The following RBFOX1 variants were observed in gnomAD, a reference collection of about 807,000 sequenced individuals.
RBFOX1 encodes the protein RNA binding protein fox-1 homolog 1.
RBFOX1 carries 8 observed loss-of-function variants against 57.7 expected under a neutral mutation model. The observed-to-expected ratio is 0.14, with a 90% CI of 0.08 to 0.25. RBFOX1 has a LOEUF of 0.25. Ranked by LOEUF, RBFOX1 falls within the 10% of genes least tolerant of loss-of-function variation. The probability of loss-of-function intolerance (pLI) is 1.00; values close to 1 mark genes in which losing one functional copy is unlikely to be tolerated. For synonymous variants in RBFOX1, 326 were observed against 222.4 expected, an observed-to-expected ratio of 1.47 and a Z score of -4.15; for missense variants, 611 against 548.5, an observed-to-expected ratio of 1.11 and a Z score of -1.14.
chr16:6,948,001 A>T (rs555800141), intron 3 of RBFOX1, among the ~76,000 whole-genome samples: 1 of 152,150 alleles, frequency 6.6e-6, no homozygotes, highest in East Asian at 1.9e-4. Flanking sequence ...TTGGTCTCAA[A>T]CTCCTGACCT....
intron 3 of RBFOX1, among the ~76,000 whole-genome samples, chr16:5,738,884 T>C (rs1190379356): frequency 6.6e-6 from 1 of 152,108 alleles, no homozygotes; most frequent in African/African-American, 2.4e-5. Context: ...AATGTCAACA[T>C]TGATGCAAAC....
intron 10 of RBFOX1, among the ~76,000 whole-genome samples, chr16:7,618,202 T>G (rs538422527): frequency 6.6e-6 from 1 of 152,180 alleles, no homozygotes; most frequent in African/African-American, 2.4e-5. Context: ...CTTTCAGTGG[T>G]AGGCAGCCAT....
At chr16:6,434,155 A>T (rs1037441557) in intron 2 of RBFOX1, among the ~76,000 whole-genome samples, 1 of 152,094 alleles carries the variant, frequency 6.6e-6, no homozygotes, top group Non-Finnish European at 1.5e-5. Context: ...GTCACTTCTA[A>T]GGGCACTTGT....
At chr16:6,970,082 G>T (rs1187668525) in intron 3 of RBFOX1, among the ~76,000 whole-genome samples, 5 of 152,092 alleles carry the variant, frequency 3.3e-5, no homozygotes, top group Non-Finnish European at 5.9e-5. Context: ...GGAGGCTGAG[G>T]CAGGAAGATG....
intron 2 of RBFOX1, among the ~76,000 whole-genome samples, chr16:6,405,504 A>G (rs2093246603): frequency 6.6e-6 from 1 of 152,208 alleles, no homozygotes; most frequent in South Asian, 2.1e-4. Context: ...GATGGGAAAG[A>G]AAACATGGAG....
At chr16:6,398,810 A>G (rs1161892606) in intron 2 of RBFOX1, among the ~76,000 whole-genome samples, 4 of 152,146 alleles carry the variant, frequency 2.6e-5, no homozygotes, top group Non-Finnish European at 4.4e-5. Context: ...TAGATCTACC[A>G]TGCTACCATT....
upstream of RBFOX1, chr16:5,239,766 G>A (rs977287259): frequency 1.1e-5 from 6 of 557,170 alleles, no homozygotes; most frequent in Admixed American, 4.0e-5. Context: ...CGCCGGCCCC[G>A]ATGCCCAGCT....
chr16:7,195,198 G>C (rs921516982), intron 4 of RBFOX1, among the ~76,000 whole-genome samples: 2 of 152,168 alleles, frequency 1.3e-5, no homozygotes, highest in African/African-American at 4.8e-5. Context: ...GGTGGACTCT[G>C]TTCATGGACT....
chr16:7,589,189 G>A (rs1406470411), intron 7 of RBFOX1, among the ~76,000 whole-genome samples: 2 of 152,172 alleles, frequency 1.3e-5, no homozygotes, highest in Non-Finnish European at 2.9e-5. Flanking sequence ...GACCAACTTC[G>A]TTCTGACCCT....
intron 3 of RBFOX1, among the ~76,000 whole-genome samples, chr16:6,989,879 T>G (rs1384026966): frequency 6.6e-6 from 1 of 151,988 alleles, no homozygotes; most frequent in African/African-American, 2.4e-5. Context: ...GGGCACCGTA[T>G]AATCCCAGCT....
At chr16:7,318,904 G>A (rs1024748460) in intron 4 of RBFOX1, among the ~76,000 whole-genome samples, 5 of 152,122 alleles carry the variant, frequency 3.3e-5, no homozygotes, top group African/African-American at 4.8e-5. Flanking sequence ...GCTGCTTAGC[G>A]AGGTAGGCAG....
chr16:5,460,641 G>A (rs1377511220), intron 1 of RBFOX1, among the ~76,000 whole-genome samples: 1 of 152,188 alleles, frequency 6.6e-6, no homozygotes, highest in Non-Finnish European at 1.5e-5. Context: ...TCCAGTGAAG[G>A]GTGAGGAATG....
At chr16:7,369,597 G>C (rs1364351194) in intron 4 of RBFOX1, among the ~76,000 whole-genome samples, 1 of 152,100 alleles carries the variant, frequency 6.6e-6, no homozygotes, top group African/African-American at 2.4e-5. Flanking sequence ...TTAATATGCT[G>C]ATTATCTCAA....
chr16:5,257,496 C>T (rs2062616787), intron 1 of RBFOX1, among the ~76,000 whole-genome samples: 1 of 152,208 alleles, frequency 6.6e-6, no homozygotes. Context: ...TTCTGCCTCT[C>T]TCCTCCTCTC....
At position 7,638,243 on chromosome 16, in the gene RBFOX1, T is replaced by C. The variant is rs189324085; in HGVS notation, c.757+7560T>C. Among the ~76,000 whole-genome samples the C allele has an allele frequency of 3.3e-5, 5 of 152,312 alleles. No individual in the cohort carries two copies. The East Asian group carries it at 7.7e-4, about 24-fold the overall frequency. ...ATATGTCAGGCATTGTGCTAAGCCCTTCTCATTAGCTTTCTTAAGAAGGAA... is the reference window on the plus strand; with the variant it reads ...ATATGTCAGGCATTGTGCTAAGCCCCTCTCATTAGCTTTCTTAAGAAGGAA... On this transcript the variant is annotated intron_variant, in intron 11 of 15. Transcript: ENST00000550418.
In RBFOX1 at chr16:6,770,966, A is replaced by C. The variant is rs566103306; in HGVS notation, c.-16+116316A>C. ...TTGTGTCTCCACTACCCCCGATTCA[A>C]ATGCTCAAATTCTCACCCACAGGAC... On this transcript the variant is annotated intron_variant, in intron 3 of 15. Transcript: ENST00000550418. 6.6e-5 allele frequency among the ~76,000 whole-genome samples: 10 copies of C among 152,218 alleles called. No homozygotes were observed. The East Asian group carries it at 1.2e-3, about 18-fold the overall frequency.
At chr16:6,638,959 T>G (rs557976119) in intron 2 of RBFOX1, among the ~76,000 whole-genome samples, 84 of 152,296 alleles carry the variant, frequency 5.5e-4, no homozygotes, top group African/African-American at 2.0e-3. Context: ...AAAATATTGC[T>G]TCCCAAGAAA....
intron 4 of RBFOX1, among the ~76,000 whole-genome samples, chr16:7,467,492 G>A (rs553132160): frequency 1.2e-4 from 19 of 152,324 alleles, no homozygotes; most frequent in African/African-American, 4.3e-4. Flanking sequence ...CCCTTAGAAT[G>A]TTAGAGAGGG....
intron 3 of RBFOX1, among the ~76,000 whole-genome samples, chr16:6,927,887 C>G (rs537035736): frequency 1.3e-5 from 2 of 152,188 alleles, no homozygotes; most frequent in South Asian, 2.1e-4. Context: ...ATACTAATAG[C>G]ATACGCTAAA....
Sources: gnomAD v4.1 joint callset for allele counts (sites outside exome capture counted in the v4.1 genomes callset) on GRCh38, gnomAD v4.1.1 for gene constraint, MANE v1.5 for transcripts, NCBI Gene and HGNC (gene_info 2026-07-23, HGNC 2026-07-21) for gene names.